The following SHISAL2A variants were observed in gnomAD, a reference collection of about 807,000 sequenced individuals.
SHISAL2A encodes the protein shisa like 2A.
In SHISAL2A, 18 loss-of-function variants were observed where a neutral mutation model predicts 11.5. The observed-to-expected ratio is 1.57, with a 90% CI of 1.08 to 2.33. SHISAL2A has a LOEUF of 2.33. SHISAL2A is among the 30% of genes most tolerant of loss of function. SHISAL2A has a pLI of 0.00. For missense variants in SHISAL2A, 261 were observed against 250.9 expected (o/e 1.04, Z -0.27); for synonymous variants, 94 against 99.6 (o/e 0.94, Z 0.34).
chr1:52,633,681 G>A lies in SHISAL2A; in HGVS notation c.182+6G>A, dbSNP rs1301507845. Reference sequence around the variant, plus strand: ...AGCTACATGTGGTGGCTCAGGTACCGTCCCTGGCCCTCACCCTACCTTGAA... The same window carrying A: ...AGCTACATGTGGTGGCTCAGGTACCATCCCTGGCCCTCACCCTACCTTGAA... On this transcript the variant is annotated splice_donor_region_variant and intron_variant, in intron 1 of 2. Coordinates refer to ENST00000517870, the MANE Select transcript of SHISAL2A (RefSeq NM_001042693.3). This position sits in a 1 kb window ranked among gnomAD's most constrained non-coding sequence, Gnocchi z 6.4. The A allele has an allele frequency of 3.1e-6, 5 of 1,597,318 alleles. No homozygotes were observed. The South Asian group carries it at 5.6e-5, about 18-fold the overall frequency.
chr1:52,652,653 C>T (rs980245236), intron 2 of SHISAL2A, among the ~76,000 whole-genome samples: 3 of 151,910 alleles, frequency 2.0e-5, no homozygotes, highest in African/African-American at 7.3e-5. Context: ...AAAACGTGCA[C>T]AAAATAACCT....
At chr1:52,646,390 T>C (rs560178581) in intron 2 of SHISAL2A, among the ~76,000 whole-genome samples, 1 of 152,116 alleles carries the variant, frequency 6.6e-6, no homozygotes, top group African/African-American at 2.4e-5. Flanking sequence ...AAGGAAAAGA[T>C]TGGCAAATGT....
rs748392048 is a variant in SHISAL2A, at chr1:52,656,911, G to A, written c.444G>A (p.Glu148=). 1.9e-6 allele frequency: 3 copies of A among 1,614,194 alleles called. No individual in the cohort carries two copies. Among genetic ancestry groups the A allele is most frequent in the South Asian group, 2.2e-5 (2 of 91,086 alleles). The change falls in exon 3 of 3, where the codon GAG becomes GAA. Residue 148 remains glutamate, a synonymous_variant. Transcript: ENST00000517870. The part of the protein sequence containing the change: ...SCLNPQLESN[E]GQAVNSKRLL... ...TGAACCCGCAGCTGGAGAGCAATGAGGGGCAGGCTGTGAACTCCAAACGCC... is the reference window on the plus strand; with the variant it reads ...TGAACCCGCAGCTGGAGAGCAATGAAGGGCAGGCTGTGAACTCCAAACGCC...
At chr1:52,657,374 C>T (rs372474621), downstream of SHISAL2A, among the ~76,000 whole-genome samples, 8 of 152,116 alleles carry the variant, frequency 5.3e-5, no homozygotes, top group African/African-American at 9.7e-5. Context: ...TTTAGGAGCC[C>T]CTGAGAAGAT....
rs1691165111 is a variant in SHISAL2A, at chr1:52,633,227, G to C, written c.-267G>C. ...CCCCGCGTCCGCTCCGGCTCCTGCC[G>C]CGTTCCAGCAGCCGTCACTCCCGCC... On this transcript the variant is annotated 5_prime_UTR_variant, in exon 1 of 3. Transcript: ENST00000517870. This position sits in a 1 kb window ranked among gnomAD's most constrained non-coding sequence, Gnocchi z 6.4. The C allele has an allele frequency of 3.4e-6, 1 of 294,046 alleles. No individual in the cohort carries two copies. The highest frequency in any genetic ancestry group is 6.2e-6 in the Non-Finnish European group (1 of 160,662). The allele number at this position is 294,046 out of a possible 1,614,324, so 18.2% of individuals were successfully genotyped here. A position where few individuals can be genotyped will look rare whatever the true frequency, so the allele number is the denominator to read the frequency against.
intron 4 of SHISAL2A, among the ~76,000 whole-genome samples, chr1:52,665,019 G>C (rs1050913672): frequency 1.2e-4 from 19 of 152,238 alleles, no homozygotes; most frequent in African/African-American, 4.1e-4. Context: ...GAACTCCCAG[G>C]CTCAAGCAAT....
chr1:52,660,120 G>A (rs184243411), downstream of SHISAL2A, among the ~76,000 whole-genome samples: 1 of 152,246 alleles, frequency 6.6e-6, no homozygotes, highest in East Asian at 1.9e-4. Context: ...ATGCTGGTCT[G>A]AGACCACCCT....
At position 52,654,224 on chromosome 1, in the gene SHISAL2A, T is replaced by TATAGATAGATAGATAG. The variant is rs55929422; in HGVS notation, c.323-2544_323-2529dup. Among the ~76,000 whole-genome samples, 283 of 147,784 alleles carry TATAGATAGATAGATAG rather than the reference T, an allele frequency of 1.9e-3. 1 individual carries two copies. Among genetic ancestry groups the TATAGATAGATAGATAG allele is most frequent in the East Asian group, 4.6e-3 (23 of 5,050 alleles). On this transcript the variant is annotated intron_variant, in intron 2 of 2. Transcript: ENST00000517870. ...CTGTGCCTGGCCAAAATGGCAGTTT[T>TATAGATAGATAGATAG]ATAGATAGATAGATAGATAGATAGA...
intron 1 of SHISAL2A, among the ~76,000 whole-genome samples, chr1:52,641,334 T>C (rs181405540): frequency 2.0e-5 from 3 of 152,302 alleles, no homozygotes; most frequent in African/African-American, 7.2e-5. Flanking sequence ...GGAGGGAGTC[T>C]TGTGGGACTG....
intron 1 of SHISAL2A, among the ~76,000 whole-genome samples, chr1:52,641,283 A>G (rs1394988919): frequency 6.6e-6 from 1 of 152,182 alleles, no homozygotes; most frequent in African/African-American, 2.4e-5. Flanking sequence ...GGTCAGAAGT[A>G]TAGGTGACAA....
At chr1:52,638,589 G>A (rs11583834) in intron 1 of SHISAL2A, among the ~76,000 whole-genome samples, 11,908 of 152,236 alleles carry the variant, frequency 0.078, 588 homozygotes, top group Non-Finnish European at 0.11. Context: ...TATGTGGAAA[G>A]TGATCCCAAA....
Position 52,633,449 on chromosome 1 carries a change from GC to G in SHISAL2A, c.-43del. ...TCGCTTCCCCGCCGGGCTCTAGCCG[GC>G]CGTCTGGTGGCCCGAGGTGGCGGCG... On this transcript the variant is annotated 5_prime_UTR_variant, in exon 1 of 3. Transcript: ENST00000517870. The surrounding 1 kb of genome is among the most constrained non-coding windows in gnomAD (Gnocchi z 6.4). 22 of 1,426,906 alleles carry G rather than the reference GC, an allele frequency of 1.5e-5. No homozygotes were observed. Among genetic ancestry groups the G allele is most frequent in the Non-Finnish European group, 1.8e-5 (20 of 1,099,278 alleles). 88.4% of individuals were successfully genotyped at this position (1,426,906 alleles called of 1,614,324 possible). A position where few individuals can be genotyped will look rare whatever the true frequency, so the allele number is the denominator to read the frequency against.
At chr1:52,644,441 A>G (rs1287140634) in intron 2 of SHISAL2A, among the ~76,000 whole-genome samples, 1 of 152,172 alleles carries the variant, frequency 6.6e-6, no homozygotes, top group Admixed American at 6.5e-5. Flanking sequence ...AGTAAGGGTG[A>G]CAGCCGGTTG....
chr1:52,637,715 A>C (rs2149873494), intron 1 of SHISAL2A, among the ~76,000 whole-genome samples: 1 of 152,296 alleles, frequency 6.6e-6, no homozygotes, highest in Non-Finnish European at 1.5e-5. Flanking sequence ...AAAGGAAGAA[A>C]ATGAAGGTCA....
chr1:52,655,468 A>AG (rs1237852344), intron 2 of SHISAL2A, among the ~76,000 whole-genome samples: 5 of 146,186 alleles, frequency 3.4e-5, no homozygotes, highest in African/African-American at 1.3e-4. Flanking sequence ...AAAAAAAAAA[A>AG]AAAAAAAAAA....
chr1:52,652,452 G>T, intron 2 of SHISAL2A, among the ~76,000 whole-genome samples: 1 of 151,940 alleles, frequency 6.6e-6, no homozygotes, highest in Non-Finnish European at 1.5e-5. Context: ...AAGTTTTTTT[G>T]TTTTGTTAAA....
intron 2 of SHISAL2A, among the ~76,000 whole-genome samples, chr1:52,652,047 A>G (rs892277298): frequency 1.3e-5 from 2 of 152,242 alleles, no homozygotes; most frequent in African/African-American, 4.8e-5. Flanking sequence ...CTGGCTGGCC[A>G]GTTGCTCAGA....
intron 1 of SHISAL2A, among the ~76,000 whole-genome samples, chr1:52,639,286 C>A (rs919260587): frequency 9.9e-5 from 15 of 152,164 alleles, no homozygotes; most frequent in African/African-American, 3.4e-4. Flanking sequence ...TACCCAGAGA[C>A]AGCCTGTTAG....
chr1:52,635,688 G>A (rs925619021), intron 1 of SHISAL2A, among the ~76,000 whole-genome samples: 19 of 152,100 alleles, frequency 1.2e-4, no homozygotes, highest in Non-Finnish European at 8.8e-5. Context: ...CCAGCTACAC[G>A]ACTCCTGAAC....
Sources: gnomAD v4.1 joint callset for allele counts (sites outside exome capture counted in the v4.1 genomes callset) on GRCh38, gnomAD v4.1.1 for gene constraint, Gnocchi (gnomAD v3.1) non-coding constraint, MANE v1.5 for transcripts, NCBI Gene and HGNC (gene_info 2026-07-23, HGNC 2026-07-21) for gene names.